Variants in MAGI2 observed in about 807,000 individuals in gnomAD.
MAGI2 encodes the protein membrane associated guanylate kinase, WW and PDZ domain containing 2, also known as membrane-associated guanylate kinase, WW and PDZ domain-containing protein 2.
A neutral mutation model predicts 133.3 loss-of-function variants in MAGI2; 35 were observed. That is an observed-to-expected ratio of 0.26 (90% CI 0.20 to 0.35). The LOEUF is 0.35. MAGI2 is among the 10% of genes least tolerant of loss of function. The pLI is 1.00. For missense variants in MAGI2, 1,636 were observed against 1,863.4 expected, an observed-to-expected ratio of 0.88 and a Z score of 2.25; for synonymous variants, 729 against 710.6, an observed-to-expected ratio of 1.03 and a Z score of -0.41.
chr7:78,909,386 G>A, intron 2 of MAGI2, among the ~76,000 whole-genome samples: 1 of 148,210 alleles, frequency 6.7e-6, no homozygotes, highest in East Asian at 2.0e-4. Flanking sequence ...GAGGTCAGGA[G>A]ATCAAGATCA....
At chr7:78,719,082 T>A (rs1443029369) in intron 2 of MAGI2, among the ~76,000 whole-genome samples, 1 of 152,190 alleles carries the variant, frequency 6.6e-6, no homozygotes, top group East Asian at 1.9e-4. Flanking sequence ...AGGATGAATA[T>A]CTAGATTTAC....
chr7:79,261,375 C>A (rs6953483), intron 1 of MAGI2, among the ~76,000 whole-genome samples: 93,709 of 152,128 alleles, frequency 0.62, 29,911 homozygotes, highest in Non-Finnish European at 0.7. Flanking sequence ...TGCTTGAATC[C>A]GTTTTGCTGC....
chr7:78,155,356 G>A (rs1257311916), intron 16 of MAGI2, among the ~76,000 whole-genome samples: 1 of 152,202 alleles, frequency 6.6e-6, no homozygotes, highest in Non-Finnish European at 1.5e-5. Flanking sequence ...GCTCATGCCT[G>A]TAATCCAAGC....
intron 2 of MAGI2, among the ~76,000 whole-genome samples, chr7:78,929,793 A>G (rs1009522437): frequency 1.1e-4 from 17 of 152,224 alleles, no homozygotes; most frequent in African/African-American, 3.4e-4. Flanking sequence ...AAGATAATGT[A>G]TTCATAGCTT....
At chr7:78,038,195 C>T (rs2471572) in intron 21 of MAGI2, among the ~76,000 whole-genome samples, 60,287 of 152,066 alleles carry the variant, frequency 0.4, 12,237 homozygotes, top group Non-Finnish European at 0.41. Flanking sequence ...ATTTCAGCCC[C>T]TAACACAGTG....
At chr7:79,187,509 ATAGAATTCAGAGAAATGTCTCTAAT>A (rs1275844335) in intron 1 of MAGI2, among the ~76,000 whole-genome samples, 1 of 151,858 alleles carries the variant, frequency 6.6e-6, no homozygotes, top group East Asian at 1.9e-4. Context: ...TCATATGTAC[ATAGAATTCAGAGAAATGTCTCTAAT>A]TTTCAACAAT....
At chr7:79,231,435 T>C (rs201424092) in intron 1 of MAGI2, among the ~76,000 whole-genome samples, 3 of 77,662 alleles carry the variant, frequency 3.9e-5, no homozygotes, top group Non-Finnish European at 3.2e-5. Context: ...CCATGGAATG[T>C]TCTTCCATTT....
At chr7:78,952,597 T>C (rs1801960958) in intron 2 of MAGI2, among the ~76,000 whole-genome samples, 1 of 152,280 alleles carries the variant, frequency 6.6e-6, no homozygotes, top group South Asian at 2.1e-4. Context: ...AACAAATATT[T>C]TACACCTGGT....
In MAGI2 at chr7:78,431,612, A is replaced by G. The variant is rs527405038; in HGVS notation, c.1045+58149T>C. 2.6e-4 allele frequency among the ~76,000 whole-genome samples: 39 copies of G among 152,254 alleles called. 3 individuals carry two copies. The South Asian group carries it at 7.5e-3, about 29-fold the overall frequency. On this transcript the variant is annotated intron_variant, in intron 6 of 21. Transcript: ENST00000354212. Reference sequence around the variant, plus strand: ...GTCTTGGAAGAAAAAGAAAATGCAGATGGTAAATGGCAAAGTTGATCCCAG... The same window carrying G: ...GTCTTGGAAGAAAAAGAAAATGCAGGTGGTAAATGGCAAAGTTGATCCCAG...
chr7:78,280,239 T>C (rs1562741040), intron 9 of MAGI2, among the ~76,000 whole-genome samples: 1 of 152,112 alleles, frequency 6.6e-6, no homozygotes, highest in Non-Finnish European at 1.5e-5. Flanking sequence ...GTCACTTGTT[T>C]AGCTAAACTG....
intron 20 of MAGI2, among the ~76,000 whole-genome samples, chr7:78,107,285 C>T (rs1188872130): frequency 6.6e-6 from 1 of 151,816 alleles, no homozygotes. Flanking sequence ...ATAATGTGAC[C>T]CCTGTAGTTT....
chr7:79,071,341 C>T (rs1814943629), intron 1 of MAGI2, among the ~76,000 whole-genome samples: 1 of 152,014 alleles, frequency 6.6e-6, no homozygotes, highest in African/African-American at 2.4e-5. Context: ...GAGGGGCACC[C>T]CCCCAGATGC....
At chr7:78,583,366 CG>C in intron 3 of MAGI2, 1 of 188,382 alleles carries the variant, frequency 5.3e-6, no homozygotes, top group Non-Finnish European at 1.1e-5. Flanking sequence ...GGCGTGGTGG[CG>C]GGCGCCTGTG....
At chr7:78,462,955 G>A (rs991462011) in intron 6 of MAGI2, among the ~76,000 whole-genome samples, 2 of 152,180 alleles carry the variant, frequency 1.3e-5, no homozygotes, top group Non-Finnish European at 2.9e-5. Flanking sequence ...TTTCTACAAG[G>A]TTTCTAAAAT....
At chr7:78,449,152 T>TG (rs1788460105) in intron 6 of MAGI2, among the ~76,000 whole-genome samples, 1 of 152,010 alleles carries the variant, frequency 6.6e-6, no homozygotes, top group African/African-American at 2.4e-5. Context: ...CTTGCTTCTG[T>TG]GGCTAACCTG....
At chr7:79,312,529 C>A (rs749917975) in intron 1 of MAGI2, among the ~76,000 whole-genome samples, 12 of 152,160 alleles carry the variant, frequency 7.9e-5, no homozygotes, top group African/African-American at 2.9e-4. Flanking sequence ...GTAGCCTCAC[C>A]AACACAGTCT....
chr7:79,277,768 G>T (rs1270055887), intron 1 of MAGI2, among the ~76,000 whole-genome samples: 1 of 152,066 alleles, frequency 6.6e-6, no homozygotes, highest in African/African-American at 2.4e-5. Context: ...ATTCACAGAT[G>T]TAACTCCTTT....
intron 1 of MAGI2, among the ~76,000 whole-genome samples, chr7:79,216,483 T>C (rs540841744): frequency 2.3e-4 from 35 of 152,042 alleles, no homozygotes; most frequent in African/African-American, 8.0e-4. Flanking sequence ...AAGCTGTCCA[T>C]GGATGGCAAA....
intron 6 of MAGI2, among the ~76,000 whole-genome samples, chr7:78,388,827 A>G (rs1795640841): frequency 6.6e-6 from 1 of 152,208 alleles, no homozygotes; most frequent in Non-Finnish European, 1.5e-5. Context: ...AAGCAAGACA[A>G]TTATTTCATT....
Sources: allele counts gnomAD v4.1 joint callset (sites outside exome capture counted in the v4.1 genomes callset), GRCh38; gene constraint gnomAD v4.1.1; transcripts MANE v1.5; gene names NCBI Gene and HGNC (gene_info 2026-07-23, HGNC 2026-07-21).